Variants in CEMIP2 observed in about 807,000 individuals in gnomAD.
The protein encoded by CEMIP2 is cell migration inducing hyaluronidase 2.
CEMIP2 carries 79 observed loss-of-function variants against 146.9 expected under a neutral mutation model. That is an observed-to-expected ratio of 0.54 (90% CI 0.45 to 0.65). The LOEUF (loss-of-function observed/expected upper bound fraction) is 0.65. Ranked by LOEUF, CEMIP2 falls within the 30% of genes least tolerant of loss-of-function variation. The probability of loss-of-function intolerance (pLI) is 0.00; values close to 1 mark genes in which losing one functional copy is unlikely to be tolerated. For synonymous variants in CEMIP2, 601 were observed against 606.3 expected, an observed-to-expected ratio of 0.99 and a Z score of 0.13; for missense variants, 1,596 against 1,696.2, an observed-to-expected ratio of 0.94 and a Z score of 1.04.
intron 4 of CEMIP2, 31 bp from the exon 5 acceptor site, chr9:71,740,263 T>G (rs1345335437): frequency 6.2e-7 from 1 of 1,606,546 alleles, no homozygotes; most frequent in African/African-American, 1.3e-5. Flanking sequence ...TGCATTTGAT[T>G]ACTTGTCATG....
At position 71,700,810 on chromosome 9, in the gene CEMIP2, C is replaced by T. The variant is rs1170375901; in HGVS notation, c.3209G>A (p.Arg1070Gln). 1.2e-5 allele frequency: 19 copies of T among 1,605,518 alleles called. No homozygotes were observed. Among genetic ancestry groups the T allele is most frequent in the South Asian group, 2.2e-5 (2 of 89,126 alleles). ...LVNFNKNDWI[R>Q]VGLCYPSNTS... ...GTTTGATGGATAGCAAAGGCCAACT[C>T]GAATCCAGTCATTCCTTTAAAGGAG... The change falls in exon 19 of 24, where the codon CGA (arginine) becomes CAA (glutamine). Residue 1070 changes from arginine to glutamine, a missense_variant. Arg to Gln is a conservative substitution (Grantham distance 43). Coordinates refer to ENST00000377044, the MANE Select transcript of CEMIP2 (RefSeq NM_013390.3).
chr9:71,739,191 A>G (rs1379269596), intron 5 of CEMIP2, among the ~76,000 whole-genome samples: 1 of 150,506 alleles, frequency 6.6e-6, no homozygotes, highest in Non-Finnish European at 1.5e-5. Context: ...TGTAAATAAC[A>G]TTTCCTACAA....
chr9:71,695,224 T>C (rs968407614), intron 20 of CEMIP2, among the ~76,000 whole-genome samples: 2 of 152,170 alleles, frequency 1.3e-5, no homozygotes, highest in Admixed American at 1.3e-4. Flanking sequence ...AGGAATGCCC[T>C]TCCCTTTTCC....
intron 1 of CEMIP2, 104 bp from the exon 2 acceptor site, chr9:71,750,489 T>G (rs2132020292): frequency 1.2e-6 from 1 of 849,230 alleles, no homozygotes; most frequent in African/African-American, 1.7e-5. Flanking sequence ...TTGCCCACAC[T>G]GGAGTGCAAT....
At chr9:71,751,431 G>A (rs62544872) in intron 1 of CEMIP2, among the ~76,000 whole-genome samples, 9 of 152,246 alleles carry the variant, frequency 5.9e-5, no homozygotes, top group East Asian at 1.9e-4. Context: ...AGGGCACCAC[G>A]GCTAAACAAT....
chr9:71,712,229 C>A lies in CEMIP2; in HGVS notation c.2623G>T (p.Asp875Tyr). The change falls in exon 16 of 24, where the codon GAT becomes TAT. Residue 875 changes from aspartate (D) to tyrosine (Y), a missense_variant. Physicochemically the swap from Asp to Tyr is radical, Grantham distance 160 (BLOSUM62 -3). Coordinates refer to ENST00000377044, the MANE Select transcript of CEMIP2 (RefSeq NM_013390.3). ...TFPIRGFQIY[D>Y]GPIHLTRSTF... ...CTCCTTGTGAGATGAATGGGCCCAT[C>A]ATAAATCTGAAAGCCTCTAATTGGG... 2 of 1,614,102 alleles carry A rather than the reference C, an allele frequency of 1.2e-6. No individual in the cohort carries two copies. The highest frequency in any genetic ancestry group is 1.7e-6 in the Non-Finnish European group (2 of 1,179,998).
intron 1 of CEMIP2, among the ~76,000 whole-genome samples, chr9:71,764,919 CTTTTTT>C (rs397933000): frequency 1.4e-5 from 2 of 144,798 alleles, no homozygotes; most frequent in African/African-American, 5.0e-5. Context: ...GCTTTTCTTC[CTTTTTT>C]TTTTTTTCCT....
intron 20 of CEMIP2, 50 bp downstream of exon 20, chr9:71,697,935 C>A: frequency 6.4e-7 from 1 of 1,568,118 alleles, no homozygotes; most frequent in South Asian, 1.2e-5. Context: ...TGCAAAGAAA[C>A]CCTCTGACTT....
At chr9:71,708,845 A>G (rs981936678) in intron 17 of CEMIP2, among the ~76,000 whole-genome samples, 2 of 152,206 alleles carry the variant, frequency 1.3e-5, no homozygotes, top group African/African-American at 4.8e-5. Context: ...TTTTGCCTCA[A>G]AAGTCAGATT....
At chr9:71,738,294 C>T (rs543950117) in intron 5 of CEMIP2, among the ~76,000 whole-genome samples, 2 of 152,268 alleles carry the variant, frequency 1.3e-5, no homozygotes, top group Admixed American at 1.3e-4. Flanking sequence ...CGACAGATCG[C>T]TTGAGGTCAG....
chr9:71,732,079 TG>T (rs1823636258), intron 7 of CEMIP2, among the ~76,000 whole-genome samples: 5 of 152,084 alleles, frequency 3.3e-5, no homozygotes, highest in South Asian at 2.1e-4. Flanking sequence ...TGTTTTGTTT[TG>T]TTTTTTGGTC....
At chr9:71,697,844 T>C (rs751004986) in intron 20 of CEMIP2, 141 bp downstream of exon 20, 73 of 823,320 alleles carry the variant, frequency 8.9e-5, no homozygotes, top group Non-Finnish European at 1.3e-4. Flanking sequence ...CTTCACATTT[T>C]AGCATGGGCC....
At chr9:71,763,282 G>A (rs1824693186) in intron 1 of CEMIP2, among the ~76,000 whole-genome samples, 1 of 152,114 alleles carries the variant, frequency 6.6e-6, no homozygotes, top group Non-Finnish European at 1.5e-5. Context: ...TGTCTCCAAA[G>A]TGCACACCAA....
At chr9:71,717,868 T>G (rs2307005) in intron 13 of CEMIP2, 80 bp downstream of exon 13, 123,150 of 1,345,872 alleles carry the variant, frequency 0.092, 6,021 homozygotes, top group Admixed American at 0.15. Flanking sequence ...TCACTGTGCT[T>G]TCATGCTACT....
chr9:71,693,119 G>C (rs1214825689), intron 21 of CEMIP2, among the ~76,000 whole-genome samples: 1 of 152,050 alleles, frequency 6.6e-6, no homozygotes, highest in South Asian at 2.1e-4. Flanking sequence ...TGTACTTTAT[G>C]ACAATAAAAA....
rs1231171853 is a variant in CEMIP2 at position 71,683,915 on chromosome 9, A to C, written c.*1282T>G. ...TACACTTTATGCGTCGGGGGTTTAG[A>C]ACAACGTAAAGGCATTTTGCTGCTT... On this transcript the variant is annotated 3_prime_UTR_variant, in exon 24 of 24. Coordinates refer to ENST00000377044, the MANE Select transcript of CEMIP2 (RefSeq NM_013390.3). 6 of 152,346 alleles carry C rather than the reference A, an allele frequency of 3.9e-5. No homozygotes were observed. Among genetic ancestry groups the C allele is most frequent in the Non-Finnish European group, 8.8e-5 (6 of 68,052 alleles). The allele number at this position is 152,346 out of a possible 1,614,324, so 9.4% of individuals were successfully genotyped here.
chr9:71,718,249 A>C (rs1295369930), intron 12 of CEMIP2, among the ~76,000 whole-genome samples, 170 bp from the exon 13 acceptor site: 1 of 152,216 alleles, frequency 6.6e-6, no homozygotes, highest in Non-Finnish European at 1.5e-5. Context: ...AATTACATTT[A>C]TTTAACCACA....
At chr9:71,697,846 G>T in intron 20 of CEMIP2, 139 bp downstream of exon 20, 2 of 840,760 alleles carry the variant, frequency 2.4e-6, no homozygotes, top group Non-Finnish European at 3.6e-6. Context: ...TCACATTTTA[G>T]CATGGGCCAA....
chr9:71,755,980 A>C (rs986748596), intron 1 of CEMIP2, among the ~76,000 whole-genome samples: 7 of 113,824 alleles, frequency 6.1e-5, no homozygotes, highest in Non-Finnish European at 1.2e-4. Flanking sequence ...AAAAAAAAAA[A>C]AAAAAAAAAA....
Sources: gnomAD v4.1 joint callset for allele counts (sites outside exome capture counted in the v4.1 genomes callset) on GRCh38, gnomAD v4.1.1 for gene constraint, MANE v1.5 for transcripts, NCBI Gene and HGNC (gene_info 2026-07-23, HGNC 2026-07-21) for gene names.